Variants in NEB observed in about 807,000 individuals in gnomAD.
The protein encoded by NEB is nebulin.
NEB carries 512 observed loss-of-function variants against 952.2 expected under a neutral mutation model. That is an observed-to-expected ratio of 0.54 (90% CI 0.50 to 0.58). The LOEUF is 0.58. Among genes scored for constraint, NEB ranks in the 20% least tolerant of loss-of-function variants. The pLI is 0.00. For missense variants in NEB, 8,428 were observed against 9,231.1 expected (o/e 0.91, Z 3.56); for synonymous variants, 2,900 against 3,149.8 (o/e 0.92, Z 2.66).
In NEB at chr2:151,640,615, G is replaced by A. The variant is rs762881892; in HGVS notation, c.8425C>T (p.Arg2809Ter). The A allele has an allele frequency of 1.9e-6, 3 of 1,613,756 alleles. No homozygotes were observed. Among genetic ancestry groups the A allele is most frequent in the Non-Finnish European group, 2.5e-6 (3 of 1,179,806 alleles). Residue 2809 changes from arginine to a stop codon, truncating the protein, a stop_gained, in exon 61 of 182, where the codon CGA (arginine) becomes TGA (stop). Transcript: ENST00000397345. LOFTEE classifies it high-confidence loss of function. Reference protein sequence around the residue: ...RKQLGHHIGARAIRDDPKMMW... With the variant: ...RKQLGHHIGA ...ATCTTGGGGTCATCACGTATAGCTC[G>A]GGCACCAATGTGGTGGCCGAGCTGC...
At chr2:151,687,819 T>A in intron 25 of NEB, 86 bp from the exon 26 acceptor site, 1 of 1,197,272 alleles carries the variant, frequency 8.4e-7, no homozygotes, top group Non-Finnish European at 1.2e-6. Context: ...AATTTGTGTA[T>A]GTATAGACTT....
At chr2:151,668,236 TATAATAAATATATAATACTTTTGGA>T (rs1186659260) in intron 39 of NEB, among the ~76,000 whole-genome samples, 2 of 152,176 alleles carry the variant, frequency 1.3e-5, no homozygotes, top group African/African-American at 4.8e-5. Flanking sequence ...CCAACTTTTC[TATAATAAATATATAATACTTTTGGA>T]AAAACGTTTC....
At chr2:151,564,845 G>A (rs919317221) in intron 117 of NEB, among the ~76,000 whole-genome samples, 199 bp downstream of exon 117, 1 of 152,144 alleles carries the variant, frequency 6.6e-6, no homozygotes, top group African/African-American at 2.4e-5. Flanking sequence ...CACATCACGG[G>A]AGCTCAAAAG....
In NEB at chr2:151,485,689, G is replaced by A. The variant is rs1323070212; in HGVS notation, c.*71C>T. 43 of 1,423,140 alleles carry A rather than the reference G, an allele frequency of 3.0e-5. No homozygotes were observed. Among genetic ancestry groups the A allele is most frequent in the Non-Finnish European group, 4.0e-5 (42 of 1,052,392 alleles). The allele number at this position is 1,423,140 out of a possible 1,614,324, so 88.2% of individuals were successfully genotyped here. ...GCAGCTTGAGAACTTAGGTAACAGT[G>A]GAGAGTCTAAACCGAAACATTGACT... On this transcript the variant is annotated 3_prime_UTR_variant, in exon 182 of 182. Transcript: ENST00000397345.
chr2:151,702,848 G>C (rs544799431), intron 13 of NEB, among the ~76,000 whole-genome samples: 2 of 151,958 alleles, frequency 1.3e-5, no homozygotes, highest in African/African-American at 4.8e-5. Context: ...CTTTTAATTG[G>C]AGCATTAAGT....
chr2:151,635,658 A>T (rs1395158383), intron 64 of NEB, among the ~76,000 whole-genome samples: 1 of 149,522 alleles, frequency 6.7e-6, no homozygotes, highest in Non-Finnish European at 1.5e-5. Flanking sequence ...GTGAGCTGAG[A>T]TCAGGCCATT....
Position 151,487,091 on chromosome 2 carries a change from CAG to C in NEB, c.25405-1160_25405-1159del, listed in dbSNP as rs550926787. On this transcript the variant is annotated intron_variant, in intron 181 of 181. Coordinates refer to ENST00000397345, the MANE Select transcript of NEB (RefSeq NM_001164508.2). ...CGTGTGTGTGTACTGACAGAAAAGA[CAG>C]AATATGCTGCTAATTTTATTTATGG... is the stretch of plus-strand genomic sequence containing the variant. Among the ~76,000 whole-genome samples, 268 of 152,222 alleles carry C rather than the reference CAG, an allele frequency of 1.8e-3. 1 individual carries two copies. The highest frequency in any genetic ancestry group is 3.4e-3 in the Middle Eastern group (1 of 294).
intron 119 of NEB, 53 bp downstream of exon 119, chr2:151,563,553 C>T (rs553074727): frequency 5.1e-5 from 75 of 1,462,868 alleles, no homozygotes; most frequent in East Asian, 3.6e-4. Flanking sequence ...CAGGCAGACA[C>T]GGCAGCACAC....
At chr2:151,519,878 C>T (rs1252835364) in intron 153 of NEB, 110 bp from the exon 154 acceptor site, 6 of 681,014 alleles carry the variant, frequency 8.8e-6, no homozygotes, top group Admixed American at 2.4e-5. Flanking sequence ...ATAGAGTGAT[C>T]ATATAATCTA....
intron 57 of NEB, 21 bp downstream of exon 57, chr2:151,643,797 A>G: frequency 6.2e-7 from 1 of 1,605,392 alleles, no homozygotes. Context: ...TTTGTTGGCC[A>G]AAGGAAAATC....
chr2:151,485,625 G>A lies in NEB; in HGVS notation c.*135C>T. On this transcript the variant is annotated 3_prime_UTR_variant, in exon 182 of 182. Coordinates refer to ENST00000397345, the MANE Select transcript of NEB (RefSeq NM_001164508.2). Reference sequence around the variant, plus strand: ...TTTTAAAACCCAAAGGAGAAAGGATGGTACTACCATAAATCACATTGACAC... The same window carrying A: ...TTTTAAAACCCAAAGGAGAAAGGATAGTACTACCATAAATCACATTGACAC... 1.3e-6 allele frequency: 1 copy of A among 749,096 alleles called. No individual in the cohort carries two copies. The highest frequency in any genetic ancestry group is 2.0e-6 in the Non-Finnish European group (1 of 488,016). 46.4% of individuals were successfully genotyped at this position (749,096 alleles called of 1,614,324 possible). A position where few individuals can be genotyped will look rare whatever the true frequency, so the allele number is the denominator to read the frequency against.
chr2:151,612,244 C>T lies in NEB; in HGVS notation c.11747G>A (p.Cys3916Tyr), dbSNP rs775708978. ...GACAATTTCCGGAGTGTCGGTAATG[C>T]ATGTGAATTTGAGCTGGTCTGCAGG... ...RQPADQLKFTCITDTPEIVLA... is the reference protein window; with the variant it reads ...RQPADQLKFTYITDTPEIVLA... Residue 3916 changes from cysteine to tyrosine, a missense_variant, in exon 78 of 182, where the codon TGC (cysteine) becomes TAC (tyrosine). By Grantham distance (194) the Cys-to-Tyr change is radical. Around this residue, in one of 11 missense-constraint regions of NEB, gnomAD observed 337 missense variants for 297.5 expected, o/e 1.13. Transcript: ENST00000397345. 3 of 1,613,882 alleles carry T rather than the reference C, an allele frequency of 1.9e-6. No homozygotes were observed. Among genetic ancestry groups the T allele is most frequent in the Non-Finnish European group, 2.5e-6 (3 of 1,179,830 alleles).
At chr2:151,487,958 A>G (rs978509274) in intron 181 of NEB, among the ~76,000 whole-genome samples, 2 of 152,040 alleles carry the variant, frequency 1.3e-5, no homozygotes, top group Non-Finnish European at 2.9e-5. Context: ...ATACAATATG[A>G]TATTTGATTC....
At chr2:151,629,506 A>G (rs2098611545) in intron 68 of NEB, 33 bp downstream of exon 68, 11 of 1,527,492 alleles carry the variant, frequency 7.2e-6, no homozygotes, top group Non-Finnish European at 9.1e-6. Flanking sequence ...CACTTCATCC[A>G]TCCATGTAAA....
In NEB at chr2:151,625,647, G is replaced by A. The variant is rs763193015; in HGVS notation, c.10348-9C>T. ...GCTTCTGTGTATAAGCGCTGTGAAGGATAAAAAGGTTAATGAATTAGAAAA... is the reference window on the plus strand; with the variant it reads ...GCTTCTGTGTATAAGCGCTGTGAAGAATAAAAAGGTTAATGAATTAGAAAA... On this transcript the variant is annotated splice_polypyrimidine_tract_variant and intron_variant, in intron 70 of 181. Transcript: ENST00000397345. 1 of 1,543,376 alleles carries A rather than the reference G, an allele frequency of 6.5e-7. No homozygotes were observed.
chr2:151,518,787 C>A (rs1273697063), intron 155 of NEB, among the ~76,000 whole-genome samples, 178 bp downstream of exon 155: 3 of 152,116 alleles, frequency 2.0e-5, no homozygotes, highest in Non-Finnish European at 4.4e-5. Flanking sequence ...AGAGGTGTTA[C>A]AGACAATGGA....
chr2:151,619,912 CT>C, intron 72 of NEB, 150 bp from the exon 73 acceptor site: 3 of 768,992 alleles, frequency 3.9e-6, no homozygotes, highest in Non-Finnish European at 6.1e-6. Context: ...GACTGTTGTG[CT>C]CATTGGCACA....
intron 37 of NEB, 134 bp downstream of exon 37, chr2:151,672,235 A>T: frequency 2.4e-6 from 2 of 842,056 alleles, no homozygotes; most frequent in Non-Finnish European, 3.5e-6. Context: ...TGCCTTTGGT[A>T]GTCTTTCAGT....
chr2:151,654,728 G>A (rs1353900105), intron 51 of NEB, among the ~76,000 whole-genome samples: 2 of 152,124 alleles, frequency 1.3e-5, no homozygotes, highest in Admixed American at 6.6e-5. Context: ...CACTTTTATG[G>A]TCCCAATTTT....
Sources: gnomAD v4.1 joint callset for allele counts (sites outside exome capture counted in the v4.1 genomes callset) on GRCh38, gnomAD v4.1.1 for gene constraint, gnomAD v4.1.1 regional missense constraint, MANE v1.5 for transcripts, NCBI Gene and HGNC (gene_info 2026-07-23, HGNC 2026-07-21) for gene names.